MAP2K5: variants seen among roughly 807,000 people sequenced by gnomAD.
The protein encoded by MAP2K5 is mitogen-activated protein kinase kinase 5, also known as dual specificity mitogen-activated protein kinase kinase 5.
Under a neutral mutation model 83.1 loss-of-function variants are expected in MAP2K5, and 49 were observed. The observed-to-expected ratio is 0.59, with a 90% CI of 0.47 to 0.75. MAP2K5 has a LOEUF of 0.75. MAP2K5 is among the 30% of genes least tolerant of loss of function. The pLI, the probability that MAP2K5 is intolerant of heterozygous loss-of-function variation, is 0.00. For missense variants in MAP2K5, 457 were observed against 557.5 expected (o/e 0.82, Z 1.82); for synonymous variants, 202 against 191.8 (o/e 1.05, Z -0.44).
chr15:67,701,722 T>C (rs527970330), intron 15 of MAP2K5, among the ~76,000 whole-genome samples: 1 of 152,286 alleles, frequency 6.6e-6, no homozygotes, highest in East Asian at 1.9e-4. Flanking sequence ...GCCCCACCCC[T>C]AGAGATTCTT....
chr15:67,597,448 C>T (rs2085552687), intron 7 of MAP2K5, among the ~76,000 whole-genome samples: 1 of 152,124 alleles, frequency 6.6e-6, no homozygotes, highest in Non-Finnish European at 1.5e-5. Context: ...TACTGAAAGA[C>T]TGAGTTTTTG....
At chr15:67,714,052 C>G (rs536103974) in intron 16 of MAP2K5, among the ~76,000 whole-genome samples, 1 of 152,206 alleles carries the variant, frequency 6.6e-6, no homozygotes, top group East Asian at 1.9e-4. Context: ...TATTGAACAC[C>G]TTTTACATGT....
Position 67,594,076 on chromosome 15 carries a change from T to C in MAP2K5, c.480+1102T>C, listed in dbSNP as rs560538339. Reference sequence around the variant, plus strand: ...TTGAATACAGTTAGAAGAAATGAAGTTGATCTGCTTCTGACATCTGATTGC... The same window carrying C: ...TTGAATACAGTTAGAAGAAATGAAGCTGATCTGCTTCTGACATCTGATTGC... On this transcript the variant is annotated intron_variant, in intron 7 of 21. Transcript: ENST00000178640. Among the ~76,000 whole-genome samples, 291 of 152,358 alleles carry C rather than the reference T, an allele frequency of 1.9e-3. 3 individuals are homozygous for C. The highest frequency in any genetic ancestry group is 6.6e-3 in the African/African-American group (275 of 41,580).
At chr15:67,772,440 C>T (rs1437916484) in intron 20 of MAP2K5, among the ~76,000 whole-genome samples, 2 of 151,836 alleles carry the variant, frequency 1.3e-5, no homozygotes, top group Non-Finnish European at 2.9e-5. Flanking sequence ...AATTTAAATT[C>T]ATTCTTTATT....
Position 67,777,993 on chromosome 15 carries a change from T to C in MAP2K5, c.1242+5241T>C, listed in dbSNP as rs888102925. The stretch of plus-strand genomic sequence containing the variant: ...GGGTCCTAGAAGGCGGGGTATCAGT[T>C]AAAATCAGAATAGCGCTCTTGGATT... On this transcript the variant is annotated intron_variant, in intron 21 of 21. Transcript: ENST00000178640. The surrounding 1 kb of genome is among the most constrained non-coding windows in gnomAD (Gnocchi z 6.0). Among the ~76,000 whole-genome samples, 2 of 152,212 alleles carry C rather than the reference T, an allele frequency of 1.3e-5. No homozygotes were observed. Among genetic ancestry groups the C allele is most frequent in the African/African-American group, 4.8e-5 (2 of 41,460 alleles).
chr15:67,658,670 G>A (rs1376167606), intron 12 of MAP2K5, 56 bp downstream of exon 12: 2 of 1,387,006 alleles, frequency 1.4e-6, no homozygotes, highest in Non-Finnish European at 1.0e-6. Context: ...TTCTAATCAA[G>A]CTCATTCTTC....
chr15:67,660,624 T>C (rs531552476), intron 12 of MAP2K5, among the ~76,000 whole-genome samples: 1 of 152,222 alleles, frequency 6.6e-6, no homozygotes, highest in Admixed American at 6.6e-5. Flanking sequence ...GAAATAGGTG[T>C]ATATTGAATA....
At chr15:67,553,516 C>A (rs1423368757) in intron 2 of MAP2K5, among the ~76,000 whole-genome samples, 1 of 152,306 alleles carries the variant, frequency 6.6e-6, no homozygotes, top group East Asian at 1.9e-4. Flanking sequence ...CATGTACTTT[C>A]CACTATAGAC....
intron 7 of MAP2K5, among the ~76,000 whole-genome samples, chr15:67,596,929 T>C (rs1208160955): frequency 6.6e-6 from 1 of 152,230 alleles, no homozygotes; most frequent in South Asian, 2.1e-4. Context: ...CCCAGCACTT[T>C]GGGAGGCCGA....
rs1823673542 is a variant in MAP2K5, at chr15:67,724,814, TAGTGCACTTGCC to T, written c.1045-3098_1045-3087del. Among the ~76,000 whole-genome samples the T allele has an allele frequency of 6.6e-6, 1 of 152,232 alleles. No homozygotes were observed. Among genetic ancestry groups the T allele is most frequent in the African/African-American group, 2.4e-5 (1 of 41,466 alleles). ...ATGACTGCTTTCAGTGCCAGCCTAA[TAGTGCACTTGCC>T]AGTTTTCACTGGCATAGATTCCCAA... On this transcript the variant is annotated intron_variant, in intron 16 of 21. Coordinates refer to ENST00000178640, the MANE Select transcript of MAP2K5 (RefSeq NM_145160.3). The surrounding 1 kb of genome is among the most constrained non-coding windows in gnomAD (Gnocchi z 4.4).
intron 17 of MAP2K5, among the ~76,000 whole-genome samples, chr15:67,739,451 TATATATA>T (rs2089432693): frequency 6.5e-5 from 1 of 15,444 alleles, no homozygotes; most frequent in Admixed American, 1.1e-3. Context: ...TATATATATA[TATATATA>T]TATATTTTTT....
chr15:67,594,170 A>C (rs1197388552), intron 7 of MAP2K5, among the ~76,000 whole-genome samples: 2 of 152,134 alleles, frequency 1.3e-5, no homozygotes, highest in Non-Finnish European at 2.9e-5. Context: ...AGTGTGGTGT[A>C]TGTATAATCT....
chr15:67,624,831 A>G (rs2086279864), intron 8 of MAP2K5, among the ~76,000 whole-genome samples: 1 of 152,018 alleles, frequency 6.6e-6, no homozygotes, highest in African/African-American at 2.4e-5. Flanking sequence ...GGGTTTCACT[A>G]TGTTGGCCAG....
chr15:67,789,344 G>T (rs2090474404), intron 21 of MAP2K5, among the ~76,000 whole-genome samples: 1 of 152,096 alleles, frequency 6.6e-6, no homozygotes. Context: ...CTGGATATGA[G>T]AATGTTAGCT....
intron 21 of MAP2K5, among the ~76,000 whole-genome samples, chr15:67,792,078 G>C (rs1417946986): frequency 6.6e-6 from 1 of 152,204 alleles, no homozygotes; most frequent in Non-Finnish European, 1.5e-5. Flanking sequence ...GCCAATACCT[G>C]CTCAATGTGG....
chr15:67,738,010 C>A lies in MAP2K5; in HGVS notation c.1074+10065C>A, dbSNP rs1175637228. Among the ~76,000 whole-genome samples the A allele has an allele frequency of 6.6e-6, 1 of 151,864 alleles. No homozygotes were observed. The highest frequency in any genetic ancestry group is 1.5e-5 in the Non-Finnish European group (1 of 67,970). ...GGGATTATAGGAGTGCATCACCATA[C>A]CCGGCTAATTTTTGTATTTTTAATA... On this transcript the variant is annotated intron_variant, in intron 17 of 21. Coordinates refer to ENST00000178640, the MANE Select transcript of MAP2K5 (RefSeq NM_145160.3). This position sits in a 1 kb window ranked among gnomAD's most constrained non-coding sequence, Gnocchi z 4.1.
chr15:67,677,258 G>A lies in MAP2K5; in HGVS notation c.847+12613G>A, dbSNP rs776516871. ...TTAAGGCTTAAGAGCTTTACTAGTC[G>A]AAGCCTCTAGTTTTGTGTCCTTGGG... On this transcript the variant is annotated intron_variant, in intron 13 of 21. Transcript: ENST00000178640. This position sits in a 1 kb window ranked among gnomAD's most constrained non-coding sequence, Gnocchi z 4.2. Among the ~76,000 whole-genome samples, 3 of 152,132 alleles carry A rather than the reference G, an allele frequency of 2.0e-5. No homozygotes were observed. Among genetic ancestry groups the A allele is most frequent in the Admixed American group, 6.5e-5 (1 of 15,270 alleles).
intron 1 of MAP2K5, among the ~76,000 whole-genome samples, chr15:67,549,494 T>A (rs1268608182): frequency 1.1e-4 from 16 of 152,246 alleles, no homozygotes. Flanking sequence ...ACAGTGTTGC[T>A]TGTTGTATAT....
chr15:67,670,467 T>A (rs2087502681), intron 13 of MAP2K5: 1 of 455,332 alleles, frequency 2.2e-6, no homozygotes. Flanking sequence ...TTTTACTGTG[T>A]ATAAATTATG....
Sources: allele counts gnomAD v4.1 joint callset (sites outside exome capture counted in the v4.1 genomes callset), GRCh38; gene constraint gnomAD v4.1.1; non-coding constraint Gnocchi (gnomAD v3.1); transcripts MANE v1.5; gene names NCBI Gene and HGNC (gene_info 2026-07-23, HGNC 2026-07-21).